SORCS1: variants seen among roughly 807,000 people sequenced by gnomAD.
The protein encoded by SORCS1 is sortilin related VPS10 domain containing receptor 1.
In SORCS1, 60 loss-of-function variants were observed where a neutral mutation model predicts 146.1. The observed-to-expected ratio is 0.41, with a 90% CI of 0.33 to 0.51. The LOEUF (loss-of-function observed/expected upper bound fraction) is 0.51, where lower values mean the gene tolerates loss of function less well. Among genes scored for constraint, SORCS1 ranks in the 20% least tolerant of loss-of-function variants. The pLI, the probability that SORCS1 is intolerant of heterozygous loss-of-function variation, is 0.21. For missense variants in SORCS1, 1,352 were observed against 1,487.6 expected, an observed-to-expected ratio of 0.91 and a Z score of 1.50; for synonymous variants, 637 against 584.0, an observed-to-expected ratio of 1.09 and a Z score of -1.31.
chr10:107,123,893 C>T (rs570697447), intron 1 of SORCS1, among the ~76,000 whole-genome samples: 45 of 148,480 alleles, frequency 3.0e-4, no homozygotes, highest in African/African-American at 9.9e-4. Context: ...CTGGTTAACA[C>T]GGTGAAACCC....
intron 9 of SORCS1, among the ~76,000 whole-genome samples, chr10:106,695,136 T>G (rs534247688): frequency 6.6e-6 from 1 of 152,276 alleles, no homozygotes; most frequent in East Asian, 1.9e-4. Flanking sequence ...GTGATGGAGT[T>G]TTAGGACACT....
chr10:107,006,291 C>T (rs1457577860), intron 1 of SORCS1, among the ~76,000 whole-genome samples: 1 of 151,776 alleles, frequency 6.6e-6, no homozygotes, highest in African/African-American at 2.4e-5. Flanking sequence ...TGCTTAGCAC[C>T]TGACAGGTAC....
intron 17 of SORCS1, among the ~76,000 whole-genome samples, chr10:106,656,570 G>T (rs1176859041): frequency 1.3e-5 from 2 of 151,918 alleles, no homozygotes; most frequent in Non-Finnish European, 2.9e-5. Context: ...AAAGAAAAAA[G>T]ATGAAGGCAA....
intron 17 of SORCS1, 54 bp from the exon 18 acceptor site, chr10:106,652,607 C>T (rs1032709064): frequency 4.6e-5 from 73 of 1,584,578 alleles, no homozygotes; most frequent in Non-Finnish European, 6.1e-5. Flanking sequence ...GTGAATCATT[C>T]CCACTTTTTA....
At chr10:107,138,708 G>T (rs185322399) in intron 1 of SORCS1, among the ~76,000 whole-genome samples, 2 of 152,272 alleles carry the variant, frequency 1.3e-5, no homozygotes, top group East Asian at 3.9e-4. Flanking sequence ...TTCATGTGTA[G>T]AGTACATCTT....
At chr10:106,956,648 AAGG>A in intron 1 of SORCS1, 68 bp from the exon 2 acceptor site, 1 of 1,360,296 alleles carries the variant, frequency 7.4e-7, no homozygotes, top group Non-Finnish European at 1.0e-6. Context: ...GAAATGGCCC[AAGG>A]GAGGGCTTAG....
chr10:106,686,122 T>C (rs1852811987), intron 10 of SORCS1, among the ~76,000 whole-genome samples: 1 of 152,118 alleles, frequency 6.6e-6, no homozygotes, highest in South Asian at 2.1e-4. Flanking sequence ...AAAAAAATGG[T>C]CCCATTGGCT....
intron 2 of SORCS1, among the ~76,000 whole-genome samples, chr10:106,912,196 G>A (rs1313964357): frequency 6.6e-6 from 1 of 152,006 alleles, no homozygotes; most frequent in Non-Finnish European, 1.5e-5. Flanking sequence ...GTTAACTGTG[G>A]CCAGACGGTA....
At chr10:106,859,341 A>G (rs1226037187) in intron 2 of SORCS1, among the ~76,000 whole-genome samples, 1 of 151,902 alleles carries the variant, frequency 6.6e-6, no homozygotes, top group Non-Finnish European at 1.5e-5. Context: ...TTATCCTTTC[A>G]CTCTTCTTTC....
At chr10:106,995,277 G>A (rs189188541) in intron 1 of SORCS1, among the ~76,000 whole-genome samples, 97 of 148,352 alleles carry the variant, frequency 6.5e-4, no homozygotes, top group African/African-American at 2.3e-3. Flanking sequence ...TCGCACCACC[G>A]CACTCCAGCC....
rs11193187 is a variant in SORCS1, at chr10:107,053,175, A to T, written c.559-96595T>A. ...GTCTAAGAAACCCTGTCCCAAGTCA[A>T]ATTCTATTTAAACTCTTTAATTGTG... On this transcript the variant is annotated intron_variant, in intron 1 of 25. Transcript: ENST00000263054. 8.8e-3 allele frequency among the ~76,000 whole-genome samples: 1,334 copies of T among 152,226 alleles called. 20 individuals carry two copies. Among genetic ancestry groups the T allele is most frequent in the African/African-American group, 0.027 (1,121 of 41,530 alleles).
chr10:107,138,637 G>C (rs546153689), intron 1 of SORCS1, among the ~76,000 whole-genome samples: 91 of 152,210 alleles, frequency 6.0e-4, no homozygotes, highest in African/African-American at 2.1e-3. Context: ...CTTCTTTCAG[G>C]CTTAGAAATT....
chr10:107,084,092 GTTT>G (rs34590427), intron 1 of SORCS1, among the ~76,000 whole-genome samples: 10 of 113,790 alleles, frequency 8.8e-5, no homozygotes, highest in Non-Finnish European at 1.1e-4. Flanking sequence ...GTTGTTTTTT[GTTT>G]TTTTTTTTTT....
chr10:106,846,054 T>G (rs1407314566), intron 2 of SORCS1, among the ~76,000 whole-genome samples: 1 of 118,742 alleles, frequency 8.4e-6, no homozygotes, highest in African/African-American at 2.7e-5. Context: ...TAGGATTGAC[T>G]TGGCGATGCG....
intron 2 of SORCS1, among the ~76,000 whole-genome samples, chr10:106,899,946 GTGTGTATGTACATAC>G (rs1951639647): frequency 6.6e-6 from 1 of 151,554 alleles, no homozygotes; most frequent in African/African-American, 2.4e-5. Flanking sequence ...GTATATGTAT[GTGTGTATGTACATAC>G]ACACACACAT....
chr10:106,799,335 C>G (rs1290314004), intron 3 of SORCS1, among the ~76,000 whole-genome samples: 7 of 152,176 alleles, frequency 4.6e-5, no homozygotes, highest in African/African-American at 1.4e-4. Context: ...CACTTCATGT[C>G]TAAAACACCA....
chr10:107,079,110 C>T (rs750802472), intron 1 of SORCS1, among the ~76,000 whole-genome samples: 3 of 151,992 alleles, frequency 2.0e-5, no homozygotes, highest in Non-Finnish European at 2.9e-5. Context: ...CCTGTAGTCC[C>T]AGCTACTTGG....
chr10:107,159,575 C>A (rs937626973), intron 1 of SORCS1, among the ~76,000 whole-genome samples: 13 of 151,972 alleles, frequency 8.6e-5, no homozygotes, highest in Non-Finnish European at 1.6e-4. Context: ...GAGGAAAAAA[C>A]CTCCGAAAGA....
intron 18 of SORCS1, among the ~76,000 whole-genome samples, chr10:106,637,123 G>A (rs1449866485): frequency 6.6e-6 from 1 of 152,210 alleles, no homozygotes; most frequent in Non-Finnish European, 1.5e-5. Flanking sequence ...AACAACTGTT[G>A]AAACTGTGTT....
Sources: gnomAD v4.1 joint callset for allele counts (sites outside exome capture counted in the v4.1 genomes callset) on GRCh38, gnomAD v4.1.1 for gene constraint, MANE v1.5 for transcripts, NCBI Gene and HGNC (gene_info 2026-07-23, HGNC 2026-07-21) for gene names.